The following FBXL7 variants were observed in gnomAD, a reference collection of about 807,000 sequenced individuals.
FBXL7 encodes the protein F-box and leucine rich repeat protein 7, also known as F-box/LRR-repeat protein 7.
In FBXL7, 12 loss-of-function variants were observed where a neutral mutation model predicts 38.3. The ratio of observed to expected loss-of-function variants is 0.31; its 90% confidence interval spans 0.20 to 0.51. FBXL7 has a LOEUF of 0.51. Ranked by LOEUF, FBXL7 falls within the 20% of genes least tolerant of loss-of-function variation. The pLI, the probability that FBXL7 is intolerant of heterozygous loss-of-function variation, is 0.98. For synonymous variants in FBXL7, 297 were observed against 300.9 expected, an observed-to-expected ratio of 0.99 and a Z score of 0.13; for missense variants, 567 against 676.4, an observed-to-expected ratio of 0.84 and a Z score of 1.79.
At chr5:15,898,694 A>G (rs185466269) in intron 2 of FBXL7, among the ~76,000 whole-genome samples, 6 of 152,364 alleles carry the variant, frequency 3.9e-5, no homozygotes, top group Admixed American at 3.9e-4. Flanking sequence ...TCCCATAGAC[A>G]CGAGGAGAAA....
chr5:15,738,946 A>G (rs979847921), intron 2 of FBXL7, among the ~76,000 whole-genome samples: 3 of 152,222 alleles, frequency 2.0e-5, no homozygotes, highest in Admixed American at 2.0e-4. Flanking sequence ...GCAACACCAC[A>G]TTGTCACCAG....
intron 2 of FBXL7, among the ~76,000 whole-genome samples, chr5:15,859,254 T>C (rs1281384888): frequency 6.6e-6 from 1 of 152,144 alleles, no homozygotes; most frequent in African/African-American, 2.4e-5. Context: ...TTCTATTCCA[T>C]CCTTCCAGTG....
In FBXL7 at chr5:15,806,424, GA is replaced by G. The variant is rs1012450184; in HGVS notation, c.128-121457del. Reference sequence around the variant, plus strand: ...ACAAAATAAATCTCTCCTATGGCCTGAAAAAAAAATAGTATCAATAACCTCA... The same window carrying G: ...ACAAAATAAATCTCTCCTATGGCCTGAAAAAAAATAGTATCAATAACCTCA... On this transcript the variant is annotated intron_variant, in intron 2 of 3. Coordinates refer to ENST00000504595, the MANE Select transcript of FBXL7 (RefSeq NM_012304.5). 1.4e-3 allele frequency among the ~76,000 whole-genome samples: 211 copies of G among 150,444 alleles called. 1 individual carries two copies. Among genetic ancestry groups the G allele is most frequent in the African/African-American group, 4.8e-3 (196 of 41,110 alleles).
chr5:15,546,842 G>A lies in FBXL7; in HGVS notation c.37+46129G>A, dbSNP rs115739826. On this transcript the variant is annotated intron_variant, in intron 1 of 3. Transcript: ENST00000504595. ...ATAGATACATATGCAGACAAGATGG[G>A]GCATTGAAAATTAATTGGGTGGAGG... Among the ~76,000 whole-genome samples, 701 of 152,280 alleles carry A rather than the reference G, an allele frequency of 4.6e-3. 3 individuals carry two copies. Among genetic ancestry groups the A allele is most frequent in the Admixed American group, 7.6e-3 (116 of 15,298 alleles).
intron 2 of FBXL7, among the ~76,000 whole-genome samples, chr5:15,721,074 CT>C (rs1297914757): frequency 6.6e-6 from 1 of 151,978 alleles, no homozygotes; most frequent in Non-Finnish European, 1.5e-5. Context: ...TGCAATTTTG[CT>C]CTTAGGATAT....
intron 2 of FBXL7, among the ~76,000 whole-genome samples, chr5:15,914,727 A>G (rs1053119718): frequency 3.9e-5 from 6 of 152,216 alleles, no homozygotes; most frequent in Admixed American, 1.3e-4. Flanking sequence ...AACTGCAACC[A>G]AAAAGAAAAT....
At chr5:15,808,724 A>G (rs1737780299) in intron 2 of FBXL7, among the ~76,000 whole-genome samples, 1 of 152,188 alleles carries the variant, frequency 6.6e-6, no homozygotes, top group South Asian at 2.1e-4. Flanking sequence ...CTCTGCACAC[A>G]GGCAGTGGCT....
chr5:15,641,267 C>T (rs961404277), intron 2 of FBXL7, among the ~76,000 whole-genome samples: 3 of 152,200 alleles, frequency 2.0e-5, no homozygotes, highest in Admixed American at 2.0e-4. Context: ...GGGATGAATG[C>T]TTACCCTACA....
chr5:15,918,328 G>A (rs989986863), intron 2 of FBXL7, among the ~76,000 whole-genome samples: 3 of 152,194 alleles, frequency 2.0e-5, no homozygotes, highest in Non-Finnish European at 2.9e-5. Flanking sequence ...TGAAGAGTCT[G>A]ATGGATTATA....
intron 2 of FBXL7, among the ~76,000 whole-genome samples, chr5:15,704,768 T>G (rs753801323): frequency 3.3e-5 from 5 of 152,162 alleles, no homozygotes; most frequent in Non-Finnish European, 7.3e-5. Flanking sequence ...GTGAGTGAAA[T>G]CACATGCATG....
intron 2 of FBXL7, among the ~76,000 whole-genome samples, chr5:15,923,335 A>G (rs909150351): frequency 1.3e-5 from 2 of 152,194 alleles, no homozygotes; most frequent in African/African-American, 4.8e-5. Context: ...GGAGATAGAA[A>G]TGGTCCTTGT....
intron 1 of FBXL7, among the ~76,000 whole-genome samples, chr5:15,513,618 G>A (rs961490154): frequency 2.0e-5 from 3 of 152,168 alleles, no homozygotes; most frequent in African/African-American, 7.2e-5. Context: ...ATTGGTGGAG[G>A]GGATTTTACT....
chr5:15,918,064 C>G (rs1741645759), intron 2 of FBXL7, among the ~76,000 whole-genome samples: 1 of 151,912 alleles, frequency 6.6e-6, no homozygotes, highest in Non-Finnish European at 1.5e-5. Flanking sequence ...CATGGTGAAA[C>G]CCCATCTCTA....
At chr5:15,885,909 C>T (rs143855739) in intron 2 of FBXL7, among the ~76,000 whole-genome samples, 6 of 151,462 alleles carry the variant, frequency 4.0e-5, no homozygotes, top group African/African-American at 7.3e-5. Context: ...TTTGTAGAGA[C>T]GAGGTTTCAC....
chr5:15,646,623 G>C (rs1741540951), intron 2 of FBXL7, among the ~76,000 whole-genome samples: 1 of 152,174 alleles, frequency 6.6e-6, no homozygotes, highest in African/African-American at 2.4e-5. Flanking sequence ...GGAATTGCTG[G>C]AAATGTTTAA....
chr5:15,502,695 T>A (rs1389796423), intron 1 of FBXL7, among the ~76,000 whole-genome samples: 1 of 152,206 alleles, frequency 6.6e-6, no homozygotes. Context: ...TTTTCTTCTC[T>A]AAACCCCACC....
intron 2 of FBXL7, among the ~76,000 whole-genome samples, chr5:15,880,372 T>C (rs974880374): frequency 6.6e-6 from 1 of 151,256 alleles, no homozygotes; most frequent in African/African-American, 2.4e-5. Flanking sequence ...AGGAGGGGAG[T>C]CCCCAACACA....
chr5:15,549,218 C>T (rs868087899), intron 1 of FBXL7, among the ~76,000 whole-genome samples: 1 of 152,172 alleles, frequency 6.6e-6, no homozygotes, highest in Non-Finnish European at 1.5e-5. Context: ...ATATTCTACA[C>T]ATAGCATAGA....
intron 2 of FBXL7, among the ~76,000 whole-genome samples, chr5:15,725,943 A>T (rs1385379507): frequency 6.6e-6 from 1 of 152,124 alleles, no homozygotes; most frequent in Non-Finnish European, 1.5e-5. Context: ...TGGTTGTTTT[A>T]TCCATTATTG....
Sources: allele counts gnomAD v4.1 joint callset (sites outside exome capture counted in the v4.1 genomes callset), GRCh38; gene constraint gnomAD v4.1.1; transcripts MANE v1.5; gene names NCBI Gene and HGNC (gene_info 2026-07-23, HGNC 2026-07-21).